Variants in ZCCHC7 observed in about 807,000 individuals in gnomAD.
ZCCHC7 encodes the protein zinc finger CCHC-type containing 7.
ZCCHC7 carries 35 observed loss-of-function variants against 52.0 expected under a neutral mutation model. The ratio of observed to expected loss-of-function variants is 0.67; its 90% CI spans 0.51 to 0.89. The LOEUF (loss-of-function observed/expected upper bound fraction) is 0.89, where lower values mean the gene tolerates loss of function less well. Ranked by LOEUF, ZCCHC7 falls within the 40% of genes least tolerant of loss-of-function variation. ZCCHC7 has a pLI of 0.00. For missense variants in ZCCHC7, 574 were observed against 649.1 expected (o/e 0.88, Z 1.26); for synonymous variants, 217 against 221.5 (o/e 0.98, Z 0.18).
At chr9:37,268,716 G>A (rs565120298) in intron 2 of ZCCHC7, among the ~76,000 whole-genome samples, 116 of 152,282 alleles carry the variant, frequency 7.6e-4, no homozygotes, top group Non-Finnish European at 8.7e-4. Context: ...GTGAGCCACC[G>A]CGCCCGGCCG....
intron 2 of ZCCHC7, among the ~76,000 whole-genome samples, chr9:37,157,794 A>G (rs1282250598): frequency 6.6e-6 from 1 of 152,232 alleles, no homozygotes; most frequent in Non-Finnish European, 1.5e-5. Context: ...AATGATAACA[A>G]ATAGTGGTGA....
intron 2 of ZCCHC7, among the ~76,000 whole-genome samples, chr9:37,256,727 G>A (rs1826606569): frequency 6.6e-6 from 1 of 151,688 alleles, no homozygotes; most frequent in Non-Finnish European, 1.5e-5. Context: ...TTATGCATGA[G>A]TGAAAATTTC....
At chr9:37,269,629 A>AC in intron 2 of ZCCHC7, among the ~76,000 whole-genome samples, 1 of 145,354 alleles carries the variant, frequency 6.9e-6, no homozygotes, top group East Asian at 2.1e-4. Flanking sequence ...AAAAAAAAAA[A>AC]AAAAAAAAAA....
chr9:37,173,261 A>G (rs1056018937), intron 2 of ZCCHC7, among the ~76,000 whole-genome samples: 1 of 152,174 alleles, frequency 6.6e-6, no homozygotes, highest in African/African-American at 2.4e-5. Flanking sequence ...AAGATTTAAC[A>G]TGTTTTTTCT....
At chr9:37,278,121 A>T (rs1291348700) in intron 2 of ZCCHC7, among the ~76,000 whole-genome samples, 5 of 150,902 alleles carry the variant, frequency 3.3e-5, no homozygotes, top group Non-Finnish European at 7.4e-5. Context: ...ATTTACAGGC[A>T]TAATCTTAAC....
intron 1 of ZCCHC7, 183 bp downstream of exon 1, chr9:37,120,806 C>T (rs1842277593): frequency 3.3e-6 from 1 of 304,176 alleles, no homozygotes; most frequent in Admixed American, 5.2e-5. Context: ...CCCCACGCGG[C>T]CGGGCTGCGG....
At chr9:37,273,980 T>C (rs1336770922) in intron 2 of ZCCHC7, among the ~76,000 whole-genome samples, 1 of 152,218 alleles carries the variant, frequency 6.6e-6, no homozygotes, top group African/African-American at 2.4e-5. Flanking sequence ...ACACTTTTTA[T>C]TGGAAATAAT....
chr9:37,306,940 A>G (rs1742254005), intron 5 of ZCCHC7, among the ~76,000 whole-genome samples: 1 of 150,170 alleles, frequency 6.7e-6, no homozygotes, highest in Middle Eastern at 3.4e-3. Context: ...GGCGCCCACC[A>G]CCATGCCTGG....
intron 7 of ZCCHC7, among the ~76,000 whole-genome samples, chr9:37,349,894 T>C (rs1450028351): frequency 6.6e-6 from 1 of 152,052 alleles, no homozygotes; most frequent in East Asian, 1.9e-4. Flanking sequence ...TTCAAGCGAT[T>C]CTTCTGCCTC....
chr9:37,184,051 G>C (rs908562216), intron 2 of ZCCHC7, among the ~76,000 whole-genome samples: 1 of 152,170 alleles, frequency 6.6e-6, no homozygotes, highest in African/African-American at 2.4e-5. Flanking sequence ...TGTTTTTCCA[G>C]ATGTGTTTTC....
At chr9:37,122,239 A>G (rs1415041722) in intron 1 of ZCCHC7, among the ~76,000 whole-genome samples, 2 of 152,276 alleles carry the variant, frequency 1.3e-5, no homozygotes, top group East Asian at 3.8e-4. Flanking sequence ...GAAAGCTTAA[A>G]TAAGCCTTAA....
chr9:37,165,625 T>C (rs992785177), intron 2 of ZCCHC7, among the ~76,000 whole-genome samples: 15 of 152,342 alleles, frequency 9.8e-5, no homozygotes, highest in Middle Eastern at 3.4e-3. Context: ...GGTCTTGTAT[T>C]TCTGGGTTAA....
At chr9:37,176,775 A>T (rs1165094451) in intron 2 of ZCCHC7, among the ~76,000 whole-genome samples, 1 of 152,158 alleles carries the variant, frequency 6.6e-6, no homozygotes, top group Non-Finnish European at 1.5e-5. Context: ...ATCATATAGG[A>T]TTCATTTTAG....
chr9:37,331,621 G>A (rs1277286444), intron 6 of ZCCHC7, among the ~76,000 whole-genome samples: 1 of 151,726 alleles, frequency 6.6e-6, no homozygotes, highest in Middle Eastern at 3.4e-3. Flanking sequence ...TGTAAGATAG[G>A]ATAGATAATT....
chr9:37,307,671 A>G (rs1051398234), intron 5 of ZCCHC7, among the ~76,000 whole-genome samples: 1 of 152,158 alleles, frequency 6.6e-6, no homozygotes, highest in African/African-American at 2.4e-5. Context: ...TCTGAAATAC[A>G]CCTATAATCT....
chr9:37,273,707 A>G (rs548855535), intron 2 of ZCCHC7, among the ~76,000 whole-genome samples: 2 of 152,234 alleles, frequency 1.3e-5, no homozygotes, highest in African/African-American at 2.4e-5. Context: ...ATATCTCACT[A>G]TTTATATTGC....
At chr9:37,325,654 G>T (rs1159398245) in intron 5 of ZCCHC7, among the ~76,000 whole-genome samples, 1 of 152,084 alleles carries the variant, frequency 6.6e-6, no homozygotes, top group East Asian at 1.9e-4. Context: ...TATAAATAAA[G>T]ATGTGTGCCT....
intron 2 of ZCCHC7, among the ~76,000 whole-genome samples, chr9:37,231,966 G>A (rs1825429173): frequency 6.6e-6 from 1 of 152,170 alleles, no homozygotes; most frequent in Non-Finnish European, 1.5e-5. Context: ...TAATCCTGGA[G>A]TCTCTTCTTT....
chr9:37,341,186 G>A (rs1005702070), intron 6 of ZCCHC7, among the ~76,000 whole-genome samples: 2 of 152,260 alleles, frequency 1.3e-5, no homozygotes, highest in East Asian at 3.9e-4. Context: ...TTTTGTCAGA[G>A]TATATACCAC....
Sources: allele counts gnomAD v4.1 joint callset (sites outside exome capture counted in the v4.1 genomes callset), GRCh38; gene constraint gnomAD v4.1.1; transcripts MANE v1.5; gene names NCBI Gene and HGNC (gene_info 2026-07-23, HGNC 2026-07-21).